Variants in SLC4A3 observed in about 807,000 individuals in gnomAD.
The protein encoded by SLC4A3 is solute carrier family 4 member 3, also known as anion exchange protein 3.
SLC4A3 carries 47 observed loss-of-function variants against 114.2 expected under a neutral mutation model. The observed-to-expected ratio is 0.41, with a 90% confidence interval of 0.33 to 0.52. The LOEUF is 0.52. SLC4A3 is among the 20% of genes least tolerant of loss of function. The pLI is 0.21. For synonymous variants in SLC4A3, 693 were observed against 710.3 expected, an observed-to-expected ratio of 0.98 and a Z score of 0.39; for missense variants, 1,312 against 1,668.3, an observed-to-expected ratio of 0.79 and a Z score of 3.72.
In SLC4A3 at chr2:219,628,423, G is replaced by GA. The variant is rs1405884444; in HGVS notation, c.71dup (p.Pro25AlafsTer13). 6.2e-7 allele frequency: 1 copy of GA among 1,612,728 alleles called. No homozygotes were observed. The highest frequency in any genetic ancestry group is 8.5e-7 in the Non-Finnish European group (1 of 1,179,542). On this transcript the variant is annotated frameshift_variant, in exon 3 of 23. Transcript: ENST00000358055. LOFTEE classifies it high-confidence loss of function. The surrounding 1 kb of genome is among the most constrained non-coding windows in gnomAD (Gnocchi z 4.8). ...CCTGCAGGTCCGGGTGCCCTTGGAG[G>GA]AGCCCCCTCTAAGTCCAGACGTGGA...
At position 219,636,420 on chromosome 2, in the gene SLC4A3, G is replaced by T. The variant is rs201422509; in HGVS notation, c.2310G>T (p.Pro770=). The T allele has an allele frequency of 1.4e-5, 22 of 1,611,632 alleles. No individual in the cohort carries two copies. The highest frequency in any genetic ancestry group is 1.8e-5 in the Non-Finnish European group (21 of 1,179,024). The change falls in exon 15 of 23, where the codon CCG becomes CCT. Residue 770 remains proline (P), a synonymous_variant. Coordinates refer to ENST00000358055, the MANE Select transcript of SLC4A3 (RefSeq NM_005070.4). This position sits in a 1 kb window ranked among gnomAD's most constrained non-coding sequence, Gnocchi z 5.5. ...TGCTTGTGGTTGGCTTCTCTGGGCC[G>T]CTGCTTGTGTTTGAGGAAGCCTTCT... ...QPLLVVGFSG[P]LLVFEEAFFK... is the part of the protein sequence containing the mutation.
chr2:219,635,740 G>T lies in SLC4A3; in HGVS notation c.2040G>T (p.Ser680=), dbSNP rs374840483. Residue 680 remains serine, a synonymous_variant, in exon 14 of 23, where the codon TCG becomes TCT. Coordinates refer to ENST00000358055, the MANE Select transcript of SLC4A3 (RefSeq NM_005070.4). The part of the protein sequence containing the change: ...PEDDPLLRTG[S]VFGGLVRDVR... The stretch of plus-strand genomic sequence containing the variant: ...ATGACCCCTTGCTGCGGACGGGCTC[G>T]GTATTTGGGGGGCTTGTGCGGGATG... 13 of 1,595,402 alleles carry T rather than the reference G, an allele frequency of 8.1e-6. No individual in the cohort carries two copies. Among genetic ancestry groups the T allele is most frequent in the Admixed American group, 1.8e-5 (1 of 54,560 alleles).
In SLC4A3 at chr2:219,636,584, C is replaced by T. The variant is rs1447918029; in HGVS notation, c.2341-96C>T. The T allele has an allele frequency of 7.4e-6, 11 of 1,480,508 alleles. No homozygotes were observed. The highest frequency in any genetic ancestry group is 2.8e-5 in the African/African-American group (2 of 71,340). 91.7% of individuals were successfully genotyped at this position (1,480,508 alleles called of 1,614,324 possible). A position where few individuals can be genotyped will look rare whatever the true frequency, so the allele number is the denominator to read the frequency against. ...CCTAGGGGATGGGTCCCTGCATTCTCCCTCTTCCTCGGAGTTCATCCGCTG... is the reference window on the plus strand; with the variant it reads ...CCTAGGGGATGGGTCCCTGCATTCTTCCTCTTCCTCGGAGTTCATCCGCTG... On this transcript the variant is annotated intron_variant, in intron 15 of 22. Coordinates refer to ENST00000358055, the MANE Select transcript of SLC4A3 (RefSeq NM_005070.4). The surrounding 1 kb of genome is among the most constrained non-coding windows in gnomAD (Gnocchi z 5.5).
intron 3 of SLC4A3, 120 bp from the exon 4 acceptor site, chr2:219,629,024 C>A: frequency 8.1e-7 from 1 of 1,234,038 alleles, no homozygotes; most frequent in Admixed American, 2.9e-5. Context: ...GGGTCATGGC[C>A]CTGGAGGAAG....
chr2:219,632,771 C>T, intron 8 of SLC4A3, 103 bp from the exon 9 acceptor site: 1 of 1,486,500 alleles, frequency 6.7e-7, no homozygotes, highest in Non-Finnish European at 9.2e-7. Flanking sequence ...GGCGCTTTGC[C>T]CTTCCAGCAC....
Position 219,640,959 on chromosome 2 carries a change from G to A in SLC4A3, c.3618G>A (p.Gln1206=), listed in dbSNP as rs529055150. 6.2e-7 allele frequency: 1 copy of A among 1,604,782 alleles called. No homozygotes were observed. The highest frequency in any genetic ancestry group is 1.3e-5 in the African/African-American group (1 of 75,042). Residue 1206 remains glutamine, a synonymous_variant, in exon 22 of 23, where the codon CAG becomes CAA. Transcript: ENST00000358055. ...GGCTCTTCCAGGACAGGGAGCTGCA[G>A]GCGGTAAGGGGGTGGTGGTCTGGGG... The part of the protein sequence containing the change: ...LPRLFQDREL[Q]ALDSEDAEPN...
intron 7 of SLC4A3, 29 bp from the exon 8 acceptor site, chr2:219,632,232 CT>C (rs1230877120): frequency 3.7e-6 from 6 of 1,613,492 alleles, no homozygotes; most frequent in Non-Finnish European, 5.1e-6. Context: ...CTGTTGGCCC[CT>C]GGGCCCTCAC....
chr2:219,638,724 C>G lies in SLC4A3; in HGVS notation c.2878C>G (p.Leu960Val). The G allele has an allele frequency of 6.2e-7, 1 of 1,614,128 alleles. No homozygotes were observed. Among genetic ancestry groups the G allele is most frequent in the Non-Finnish European group, 8.5e-7 (1 of 1,180,014 alleles). ...YTQKLTVPTG[L>V]SVTSPDKRSW... is the part of the protein sequence containing the mutation. ...GCAGAAGCTGACAGTGCCTACAGGG[C>G]TCTCAGTGACCTCTCCCGATAAGCG... Residue 960 changes from leucine (L) to valine (V), a missense_variant, in exon 19 of 23, where the codon CTC (leucine) becomes GTC (valine). By Grantham distance (32) the Leu-to-Val change is conservative. This residue lies in a region of SLC4A3 where 301 missense variants were observed against 460.7 expected (regional missense o/e 0.65). Coordinates refer to ENST00000358055, the MANE Select transcript of SLC4A3 (RefSeq NM_005070.4). This position sits in a 1 kb window ranked among gnomAD's most constrained non-coding sequence, Gnocchi z 7.5.
intron 20 of SLC4A3, among the ~76,000 whole-genome samples, 200 bp from the exon 21 acceptor site, chr2:219,640,230 C>CA (rs1252011968): frequency 8.3e-6 from 1 of 120,080 alleles, no homozygotes; most frequent in Non-Finnish European, 1.8e-5. Flanking sequence ...TGTCTGCCCC[C>CA]CCCCCCGCCC....
chr2:219,634,737 G>C (rs757575771), intron 12 of SLC4A3, 133 bp downstream of exon 12: 9 of 962,564 alleles, frequency 9.4e-6, no homozygotes, highest in African/African-American at 1.7e-5. Flanking sequence ...CTGGAGGGTG[G>C]TGGGGGGAGC....
chr2:219,635,949 G>T, intron 14 of SLC4A3, 58 bp downstream of exon 14: 1 of 1,330,938 alleles, frequency 7.5e-7, no homozygotes, highest in Non-Finnish European at 1.0e-6. Flanking sequence ...TGGTCCCAGT[G>T]TCACTTGCAG....
Position 219,636,866 on chromosome 2 carries a change from C to T in SLC4A3, c.2527C>T (p.Leu843Phe), listed in dbSNP as rs1699135761. 3 of 1,613,202 alleles carry T rather than the reference C, an allele frequency of 1.9e-6. No individual in the cohort carries two copies. Among genetic ancestry groups the T allele is most frequent in the Middle Eastern group, 1.6e-4 (1 of 6,078 alleles). ...TTTCATCTACGAGACCTTCTACAAGCTCTACAAGGTGGAGGTCCAGCGAGG... is the reference window on the plus strand; with the variant it reads ...TTTCATCTACGAGACCTTCTACAAGTTCTACAAGGTGGAGGTCCAGCGAGG... ...LIFIYETFYK[L>F]YKVFTEHPLL... The change falls in exon 16 of 23, where the codon CTC (leucine) becomes TTC (phenylalanine). Residue 843 changes from leucine to phenylalanine, a missense_variant. Leu to Phe is a conservative substitution (Grantham distance 22). Transcript: ENST00000358055. This position sits in a 1 kb window ranked among gnomAD's most constrained non-coding sequence, Gnocchi z 5.5.
chr2:219,628,689 T>G lies in SLC4A3; in HGVS notation c.217+119T>G. ...TGCCATCCTGTGCCGGACACTGTGC[T>G]GGACTCTGTGCTGGGCCACATGCCG... On this transcript the variant is annotated intron_variant, in intron 3 of 22. Transcript: ENST00000358055. This position sits in a 1 kb window ranked among gnomAD's most constrained non-coding sequence, Gnocchi z 4.8. The G allele has an allele frequency of 1.9e-6, 2 of 1,038,076 alleles. No homozygotes were observed. Among genetic ancestry groups the G allele is most frequent in the Non-Finnish European group, 2.8e-6 (2 of 704,856 alleles). 64.3% of individuals were successfully genotyped at this position (1,038,076 alleles called of 1,614,324 possible).
At position 219,639,998 on chromosome 2, in the gene SLC4A3, C is replaced by G. The variant is rs772933862; in HGVS notation, c.3277+263C>G. Among the ~76,000 whole-genome samples, 1 of 152,116 alleles carries G rather than the reference C, an allele frequency of 6.6e-6. No individual in the cohort carries two copies. The highest frequency in any genetic ancestry group is 1.5e-5 in the Non-Finnish European group (1 of 67,988). On this transcript the variant is annotated intron_variant, in intron 20 of 22. Coordinates refer to ENST00000358055, the MANE Select transcript of SLC4A3 (RefSeq NM_005070.4). This position sits in a 1 kb window ranked among gnomAD's most constrained non-coding sequence, Gnocchi z 5.9. ...AGGCTGGAGTGCAGTGGCGCGATCT[C>G]GGCTCACTGCAAGCTCCGCCTCCCA...
rs750334707 is a variant in SLC4A3, at chr2:219,631,846, C to T, written c.812-122C>T. 43 of 1,081,118 alleles carry T rather than the reference C, an allele frequency of 4.0e-5. 1 individual carries two copies. Among genetic ancestry groups the T allele is most frequent in the African/African-American group, 1.6e-4 (10 of 63,110 alleles). 67.0% of individuals were successfully genotyped at this position (1,081,118 alleles called of 1,614,324 possible). On this transcript the variant is annotated intron_variant, in intron 6 of 22. Transcript: ENST00000358055. This position sits in a 1 kb window ranked among gnomAD's most constrained non-coding sequence, Gnocchi z 6.3. Reference sequence around the variant, plus strand: ...CCACATGGGATTATGTGGTTCCCGTCGGCATGGCCTGTTGGTGACTGTAGA... The same window carrying T: ...CCACATGGGATTATGTGGTTCCCGTTGGCATGGCCTGTTGGTGACTGTAGA...
chr2:219,639,540 C>T lies in SLC4A3; in HGVS notation c.3082C>T (p.Leu1028=). Residue 1028 remains leucine (L), a synonymous_variant, in exon 20 of 23, where the codon CTG becomes TTG. Transcript: ENST00000358055. The surrounding 1 kb of genome is among the most constrained non-coding windows in gnomAD (Gnocchi z 5.9). The part of the protein sequence containing the change: ...LLKGSGFHLD[L]LLIGSLGGLC... ...CAAGGGCTCCGGTTTCCACCTGGAC[C>T]TGCTCCTCATTGGCTCCCTGGGGGG... 1.2e-6 allele frequency: 2 copies of T among 1,614,122 alleles called. No individual in the cohort carries two copies. The highest frequency in any genetic ancestry group is 1.7e-6 in the Non-Finnish European group (2 of 1,180,030).
rs748221364 is a variant in SLC4A3, at chr2:219,631,344, C to T, written c.812-624C>T. The T allele has an allele frequency of 3.5e-5, 45 of 1,304,206 alleles. No homozygotes were observed. Among genetic ancestry groups the T allele is most frequent in the East Asian group, 5.5e-5 (1 of 18,032 alleles). 80.8% of individuals were successfully genotyped at this position (1,304,206 alleles called of 1,614,324 possible). On this transcript the variant is annotated intron_variant, in intron 6 of 22. Transcript: ENST00000358055. This position sits in a 1 kb window ranked among gnomAD's most constrained non-coding sequence, Gnocchi z 6.3. ...TGGGAGGGATCCAGCCCCCAGTCCT[C>T]GAGACTCACTGGCCCCGGAAGACTT... is the stretch of plus-strand genomic sequence containing the variant.
chr2:219,640,884 T>C lies in SLC4A3; in HGVS notation c.3543T>C (p.Phe1181=). Residue 1181 remains phenylalanine (F), a synonymous_variant, in exon 22 of 23, where the codon TTT becomes TTC. Coordinates refer to ENST00000358055, the MANE Select transcript of SLC4A3 (RefSeq NM_005070.4). ...VVKSTAASLA[F]PFLLLLTVPL... is the part of the protein sequence containing the mutation. The stretch of plus-strand genomic sequence containing the variant: ...AGTCCACGGCGGCCTCACTCGCCTT[T>C]CCCTTCCTGCTGCTGCTCACGGTGC... The C allele has an allele frequency of 6.2e-7, 1 of 1,611,928 alleles. No homozygotes were observed. Among genetic ancestry groups the C allele is most frequent in the South Asian group, 1.1e-5 (1 of 91,072 alleles).
intron 9 of SLC4A3, 130 bp from the exon 10 acceptor site, chr2:219,633,144 T>C: frequency 7.2e-7 from 1 of 1,393,624 alleles, no homozygotes; most frequent in Non-Finnish European, 9.9e-7. Flanking sequence ...TTTTGACACT[T>C]TCAATCATTA....
Sources: gnomAD v4.1 joint callset for allele counts (sites outside exome capture counted in the v4.1 genomes callset) on GRCh38, gnomAD v4.1.1 for gene constraint, gnomAD v4.1.1 regional missense constraint, Gnocchi (gnomAD v3.1) non-coding constraint, MANE v1.5 for transcripts, NCBI Gene and HGNC (gene_info 2026-07-23, HGNC 2026-07-21) for gene names.